The following DPP10 variants were observed in gnomAD, a reference collection of about 807,000 sequenced individuals.
DPP10 encodes the protein dipeptidyl peptidase like 10.
Under a neutral mutation model 120.9 loss-of-function variants are expected in DPP10, and 33 were observed. The observed-to-expected ratio is 0.27, with a 90% CI of 0.21 to 0.37. The LOEUF (loss-of-function observed/expected upper bound fraction) is 0.37. Ranked by LOEUF, DPP10 falls within the 10% of genes least tolerant of loss-of-function variation. DPP10 has a pLI of 1.00. For missense variants in DPP10, 816 were observed against 942.8 expected (o/e 0.87, Z 1.76); for synonymous variants, 337 against 326.1 (o/e 1.03, Z -0.36).
chr2:114,997,272 G>A (rs974797077), intron 1 of DPP10, among the ~76,000 whole-genome samples: 46 of 150,136 alleles, frequency 3.1e-4, no homozygotes, highest in Non-Finnish European at 1.8e-4. Flanking sequence ...GGTGGATCAC[G>A]AGGTCAAAAG....
intron 1 of DPP10, among the ~76,000 whole-genome samples, chr2:114,995,244 C>T (rs1701004628): frequency 6.6e-6 from 1 of 152,212 alleles, no homozygotes; most frequent in South Asian, 2.1e-4. Context: ...GCAATGTGTT[C>T]ATTATACTTG....
At chr2:115,153,744 T>C (rs764015915) in intron 1 of DPP10, among the ~76,000 whole-genome samples, 3 of 152,178 alleles carry the variant, frequency 2.0e-5, no homozygotes, top group Non-Finnish European at 4.4e-5. Flanking sequence ...TTCCCTAAAA[T>C]ACTTATATTT....
chr2:114,455,261 C>T lies in DPP10; in HGVS notation c.60+12423C>T, dbSNP rs549152470. Among the ~76,000 whole-genome samples the T allele has an allele frequency of 2.0e-5, 3 of 151,560 alleles. 1 individual carries two copies. In the East Asian group the frequency reaches 5.8e-4, roughly 30 times the overall value. On this transcript the variant is annotated intron_variant, in intron 1 of 25. Coordinates refer to ENST00000410059, the MANE Select transcript of DPP10 (RefSeq NM_020868.6). ...GAGGTGGGTTTTAAAAACGTAAATA[C>T]AGGCCAGGTCCAATGGCTCACGCCT...
intron 1 of DPP10, among the ~76,000 whole-genome samples, chr2:114,800,904 A>T (rs893041981): frequency 6.6e-6 from 1 of 150,410 alleles, no homozygotes; most frequent in Non-Finnish European, 1.5e-5. Context: ...GAAATTTTAG[A>T]TATATTTAGA....
intron 1 of DPP10, among the ~76,000 whole-genome samples, chr2:115,302,759 T>A (rs1465167625): frequency 6.6e-6 from 1 of 152,096 alleles, no homozygotes; most frequent in Non-Finnish European, 1.5e-5. Context: ...TAACCTTATG[T>A]AGGTCAACAG....
chr2:115,310,563 A>G (rs992494257), intron 2 of DPP10, among the ~76,000 whole-genome samples: 6 of 152,120 alleles, frequency 3.9e-5, no homozygotes, highest in African/African-American at 1.2e-4. Flanking sequence ...GAGGAGAGAA[A>G]GGTAATTGGA....
chr2:115,619,889 T>C (rs2084816738), intron 5 of DPP10, among the ~76,000 whole-genome samples: 1 of 152,156 alleles, frequency 6.6e-6, no homozygotes, highest in African/African-American at 2.4e-5. Flanking sequence ...TTTAAAAAAT[T>C]TGGGAAGGAT....
intron 1 of DPP10, among the ~76,000 whole-genome samples, chr2:115,049,989 A>G (rs1008587584): frequency 2.0e-5 from 3 of 152,214 alleles, no homozygotes; most frequent in African/African-American, 7.2e-5. Flanking sequence ...TAACCACAAC[A>G]TTACGATTCC....
intron 1 of DPP10, among the ~76,000 whole-genome samples, chr2:114,685,475 C>T (rs558104947): frequency 3.3e-5 from 5 of 152,038 alleles, no homozygotes; most frequent in East Asian, 1.9e-4. Context: ...GAACTAACGG[C>T]GTCCATTTCT....
At chr2:114,937,727 C>T (rs1696588098) in intron 1 of DPP10, among the ~76,000 whole-genome samples, 2 of 152,166 alleles carry the variant, frequency 1.3e-5, no homozygotes, top group South Asian at 4.1e-4. Flanking sequence ...TATGGCCACA[C>T]TACTCTGAAC....
chr2:114,996,071 T>G (rs1701064339), intron 1 of DPP10, among the ~76,000 whole-genome samples: 1 of 152,184 alleles, frequency 6.6e-6, no homozygotes. Context: ...CTTTGAAAGA[T>G]TCAATCTATG....
intron 1 of DPP10, among the ~76,000 whole-genome samples, chr2:115,138,723 C>T (rs187224399): frequency 1.3e-5 from 2 of 152,146 alleles, no homozygotes; most frequent in Non-Finnish European, 2.9e-5. Context: ...AATTTTATAA[C>T]GGACAATTTT....
At chr2:115,176,019 A>G (rs1273228213) in intron 1 of DPP10, among the ~76,000 whole-genome samples, 4 of 152,160 alleles carry the variant, frequency 2.6e-5, no homozygotes, top group Non-Finnish European at 5.9e-5. Context: ...TCTGTGGACC[A>G]CACTCTGAGA....
intron 1 of DPP10, among the ~76,000 whole-genome samples, chr2:115,041,294 C>T (rs184635622): frequency 7.2e-5 from 11 of 152,148 alleles, no homozygotes; most frequent in South Asian, 2.1e-4. Flanking sequence ...TTAAGTTACA[C>T]GATGATGCAA....
intron 1 of DPP10, among the ~76,000 whole-genome samples, chr2:114,943,993 G>A (rs1697167655): frequency 6.6e-6 from 1 of 152,050 alleles, no homozygotes; most frequent in African/African-American, 2.4e-5. Flanking sequence ...TTAGTATGTG[G>A]TAATTTAGTT....
At chr2:115,208,072 A>G (rs549917344) in intron 1 of DPP10, among the ~76,000 whole-genome samples, 14 of 152,328 alleles carry the variant, frequency 9.2e-5, no homozygotes, top group African/African-American at 3.4e-4. Context: ...ATTGTCCAAG[A>G]TATGAAAACT....
chr2:114,894,062 G>T (rs1373842166), intron 1 of DPP10, among the ~76,000 whole-genome samples: 3 of 152,098 alleles, frequency 2.0e-5, no homozygotes, highest in Admixed American at 6.5e-5. Flanking sequence ...TATTTAACAA[G>T]TTCCCAAGAG....
chr2:115,480,677 C>T (rs1037301972), intron 3 of DPP10, among the ~76,000 whole-genome samples: 5 of 152,048 alleles, frequency 3.3e-5, no homozygotes, highest in South Asian at 2.1e-4. Context: ...TGGCTCTTAT[C>T]TGCTTAATGA....
At chr2:114,566,885 A>G (rs765085065) in intron 1 of DPP10, among the ~76,000 whole-genome samples, 1 of 152,154 alleles carries the variant, frequency 6.6e-6, no homozygotes, top group Non-Finnish European at 1.5e-5. Context: ...GATCCCTCCA[A>G]CCTCTTAAAT....
Sources: allele counts gnomAD v4.1 joint callset (sites outside exome capture counted in the v4.1 genomes callset), GRCh38; gene constraint gnomAD v4.1.1; transcripts MANE v1.5; gene names NCBI Gene and HGNC (gene_info 2026-07-23, HGNC 2026-07-21).